ADCY2: variants seen among roughly 807,000 people sequenced by gnomAD.
The protein encoded by ADCY2 is adenylate cyclase type 2.
Under a neutral mutation model 125.2 loss-of-function variants are expected in ADCY2, and 31 were observed. The ratio of observed to expected loss-of-function variants is 0.25; its 90% CI spans 0.19 to 0.33. The LOEUF (loss-of-function observed/expected upper bound fraction) is 0.33, where lower values mean the gene tolerates loss of function less well. Ranked by LOEUF, ADCY2 falls within the 10% of genes least tolerant of loss-of-function variation. The pLI is 1.00. For missense variants in ADCY2, 904 were observed against 1,418.2 expected (o/e 0.64, Z 5.82); for synonymous variants, 512 against 548.4 (o/e 0.93, Z 0.93).
chr5:7,573,431 T>A (rs1736126855), intron 3 of ADCY2, among the ~76,000 whole-genome samples: 1 of 152,026 alleles, frequency 6.6e-6, no homozygotes. Flanking sequence ...CTCACATATT[T>A]CAGAGGCATG....
intron 1 of ADCY2, among the ~76,000 whole-genome samples, chr5:7,397,458 T>G (rs546622318): frequency 0.039 from 4,904 of 126,930 alleles, 318 homozygotes; most frequent in African/African-American, 0.14. Flanking sequence ...TTTTTTTTTT[T>G]TTTTTTTTTT....
At chr5:7,707,582 A>T in intron 8 of ADCY2, 124 bp from the exon 9 acceptor site, 1 of 1,132,070 alleles carries the variant, frequency 8.8e-7, no homozygotes, top group African/African-American at 1.6e-5. Context: ...TATAAACTTT[A>T]ATTGCGGTCA....
intron 2 of ADCY2, among the ~76,000 whole-genome samples, chr5:7,491,019 A>G (rs939133855): frequency 3.9e-5 from 6 of 152,210 alleles, no homozygotes; most frequent in African/African-American, 1.4e-4. Context: ...CAATTAAAAT[A>G]CTAGTAAGAA....
chr5:7,606,594 T>C (rs1737384394), intron 3 of ADCY2, among the ~76,000 whole-genome samples: 2 of 152,218 alleles, frequency 1.3e-5, no homozygotes, highest in African/African-American at 2.4e-5. Context: ...TCTTGCAGGC[T>C]CTGAAGTGTG....
In ADCY2 at chr5:7,520,977, C is replaced by T; in HGVS notation, c.570+78C>T. 2.6e-6 allele frequency: 4 copies of T among 1,557,908 alleles called. 1 individual carries two copies. The South Asian group carries it at 4.6e-5, about 18-fold the overall frequency. Reference sequence around the variant, plus strand: ...GTGAGGCAGGTGCTGCTGGCCCATTCAGGGTGTGTGTAGTGTGGTACCTGC... The same window carrying T: ...GTGAGGCAGGTGCTGCTGGCCCATTTAGGGTGTGTGTAGTGTGGTACCTGC... On this transcript the variant is annotated intron_variant, in intron 3 of 24. Coordinates refer to ENST00000338316, the MANE Select transcript of ADCY2 (RefSeq NM_020546.3).
intron 2 of ADCY2, among the ~76,000 whole-genome samples, chr5:7,416,988 C>T (rs1739974056): frequency 4.6e-5 from 7 of 152,116 alleles, no homozygotes; most frequent in Admixed American, 4.6e-4. Flanking sequence ...AATGAAAAGT[C>T]CATTTGGGTT....
intron 14 of ADCY2, among the ~76,000 whole-genome samples, chr5:7,733,069 A>G (rs1489168658): frequency 6.6e-6 from 1 of 152,232 alleles, no homozygotes; most frequent in African/African-American, 2.4e-5. Flanking sequence ...CTGCCAAACT[A>G]AATGGATTAT....
chr5:7,670,118 TG>T (rs1739883617), intron 4 of ADCY2, among the ~76,000 whole-genome samples: 1 of 152,232 alleles, frequency 6.6e-6, no homozygotes, highest in African/African-American at 2.4e-5. Context: ...TTTCATTCAT[TG>T]CCCAGTATAT....
At chr5:7,717,475 G>A (rs1369307158) in intron 12 of ADCY2, among the ~76,000 whole-genome samples, 1 of 152,162 alleles carries the variant, frequency 6.6e-6, no homozygotes, top group Non-Finnish European at 1.5e-5. Context: ...ACAACCTGAG[G>A]TGTAATTGGA....
chr5:7,489,077 C>T (rs1743055989), intron 2 of ADCY2, among the ~76,000 whole-genome samples: 1 of 152,202 alleles, frequency 6.6e-6, no homozygotes, highest in African/African-American at 2.4e-5. Context: ...GACTTTCCTG[C>T]CCTGCCCAGA....
At chr5:7,501,676 A>C in intron 2 of ADCY2, among the ~76,000 whole-genome samples, 1 of 83,446 alleles carries the variant, frequency 1.2e-5, no homozygotes, top group Non-Finnish European at 2.3e-5. Context: ...ACTTCAAGTT[A>C]TGTTACAAAG....
At chr5:7,658,431 G>GTGTGTA (rs59664339) in intron 4 of ADCY2, among the ~76,000 whole-genome samples, 342 of 143,006 alleles carry the variant, frequency 2.4e-3, no homozygotes, top group East Asian at 5.0e-3. Flanking sequence ...GTGTGTGTGT[G>GTGTGTA]TATATATATA....
At chr5:7,778,718 C>T (rs983075479) in intron 18 of ADCY2, among the ~76,000 whole-genome samples, 2 of 152,158 alleles carry the variant, frequency 1.3e-5, no homozygotes, top group African/African-American at 2.4e-5. Flanking sequence ...TCATGGAAAT[C>T]CCAATGGCTG....
chr5:7,660,298 A>C (rs1008978260), intron 4 of ADCY2, among the ~76,000 whole-genome samples: 5 of 147,008 alleles, frequency 3.4e-5, no homozygotes, highest in East Asian at 2.1e-4. Flanking sequence ...GAAGGAAGGA[A>C]GGACTGTGAG....
At chr5:7,519,796 C>CTACT (rs1253994628) in intron 2 of ADCY2, among the ~76,000 whole-genome samples, 4 of 152,174 alleles carry the variant, frequency 2.6e-5, no homozygotes, top group Non-Finnish European at 5.9e-5. Flanking sequence ...TAGTCAGCAG[C>CTACT]TACTCTCCGT....
intron 4 of ADCY2, among the ~76,000 whole-genome samples, chr5:7,677,322 C>T (rs1740165607): frequency 6.6e-6 from 1 of 152,084 alleles, no homozygotes; most frequent in South Asian, 2.1e-4. Flanking sequence ...AATTACTTAA[C>T]CCTTGGTTCC....
At chr5:7,737,880 A>T (rs1742294478) in intron 14 of ADCY2, among the ~76,000 whole-genome samples, 1 of 152,214 alleles carries the variant, frequency 6.6e-6, no homozygotes, top group Admixed American at 6.5e-5. Flanking sequence ...AGCAAAAGAC[A>T]CTTGAACATC....
chr5:7,688,488 C>T (rs1455379126), intron 4 of ADCY2, among the ~76,000 whole-genome samples: 1 of 152,000 alleles, frequency 6.6e-6, no homozygotes, highest in African/African-American at 2.4e-5. Context: ...AGGCTGGTCT[C>T]AAACTCCCGA....
chr5:7,657,576 A>G (rs1217457521), intron 4 of ADCY2, among the ~76,000 whole-genome samples: 6 of 152,202 alleles, frequency 3.9e-5, no homozygotes, highest in African/African-American at 1.4e-4. Context: ...CCATGCACAC[A>G]TGTGTACACA....
Sources: gnomAD v4.1 joint callset for allele counts (sites outside exome capture counted in the v4.1 genomes callset) on GRCh38, gnomAD v4.1.1 for gene constraint, MANE v1.5 for transcripts, NCBI Gene and HGNC (gene_info 2026-07-23, HGNC 2026-07-21) for gene names.